Variants in THSD7B observed in about 807,000 individuals in gnomAD.
THSD7B encodes thrombospondin type-1 domain-containing protein 7B.
In THSD7B, 138 loss-of-function variants were observed where a neutral mutation model predicts 213.6. The observed-to-expected ratio is 0.65, with a 90% CI of 0.56 to 0.74. The LOEUF (loss-of-function observed/expected upper bound fraction) is 0.74, where lower values mean the gene tolerates loss of function less well. Ranked by LOEUF, THSD7B falls within the 30% of genes least tolerant of loss-of-function variation. THSD7B has a pLI of 0.00. For missense variants in THSD7B, 1,931 were observed against 1,991.5 expected, an observed-to-expected ratio of 0.97 and a Z score of 0.58; for synonymous variants, 742 against 687.0, an observed-to-expected ratio of 1.08 and a Z score of -1.25.
At chr2:136,851,590 A>G (rs964795824) in intron 1 of THSD7B, among the ~76,000 whole-genome samples, 2 of 152,190 alleles carry the variant, frequency 1.3e-5, no homozygotes, top group Non-Finnish European at 2.9e-5. Context: ...GCTGGAAATT[A>G]GCTGATCTGG....
At chr2:137,438,468 A>G (rs933881439) in intron 14 of THSD7B, among the ~76,000 whole-genome samples, 3 of 152,114 alleles carry the variant, frequency 2.0e-5, no homozygotes, top group Non-Finnish European at 4.4e-5. Flanking sequence ...TGTCAGCTGT[A>G]CTGTCTCTGT....
chr2:136,984,499 C>A (rs1236037165), intron 2 of THSD7B, among the ~76,000 whole-genome samples: 1 of 152,182 alleles, frequency 6.6e-6, no homozygotes, highest in African/African-American at 2.4e-5. Flanking sequence ...CCTTTGCTTC[C>A]ACCATGGTTG....
chr2:137,656,530 A>C (rs1336929268), intron 22 of THSD7B, among the ~76,000 whole-genome samples: 1 of 152,236 alleles, frequency 6.6e-6, no homozygotes, highest in Admixed American at 6.5e-5. Flanking sequence ...TAGCAGATAC[A>C]TAATATTTTC....
intron 5 of THSD7B, among the ~76,000 whole-genome samples, chr2:137,148,005 A>G (rs1245633258): frequency 6.6e-6 from 1 of 151,994 alleles, no homozygotes; most frequent in African/African-American, 2.4e-5. Context: ...GGTGCTTGAT[A>G]TGGTTTAGCT....
intron 7 of THSD7B, among the ~76,000 whole-genome samples, chr2:137,217,364 A>AT (rs1428232366): frequency 2.0e-5 from 3 of 152,214 alleles, no homozygotes; most frequent in Non-Finnish European, 2.9e-5. Context: ...TGTCATTATT[A>AT]TTACCAACAC....
chr2:137,283,766 A>G (rs1489852709), intron 12 of THSD7B, among the ~76,000 whole-genome samples: 1 of 152,210 alleles, frequency 6.6e-6, no homozygotes, highest in East Asian at 1.9e-4. Flanking sequence ...ATCATGGTGG[A>G]TAAGCTTTTT....
intron 2 of THSD7B, among the ~76,000 whole-genome samples, chr2:136,994,169 A>G (rs1292306697): frequency 2.0e-5 from 3 of 152,210 alleles, no homozygotes; most frequent in Non-Finnish European, 4.4e-5. Context: ...GAAATACATA[A>G]TTGACGAGGG....
At chr2:137,292,857 T>C (rs1230950498) in intron 12 of THSD7B, among the ~76,000 whole-genome samples, 1 of 152,160 alleles carries the variant, frequency 6.6e-6, no homozygotes, top group Non-Finnish European at 1.5e-5. Context: ...ATATCATAAC[T>C]TCCTCATTAG....
At chr2:137,547,665 G>T (rs1365787848) in intron 15 of THSD7B, among the ~76,000 whole-genome samples, 1 of 151,980 alleles carries the variant, frequency 6.6e-6, no homozygotes, top group Non-Finnish European at 1.5e-5. Flanking sequence ...TTTGCAGACT[G>T]CAAGTTGTAT....
intron 14 of THSD7B, among the ~76,000 whole-genome samples, chr2:137,425,879 A>C (rs1558793393): frequency 6.6e-6 from 1 of 152,164 alleles, no homozygotes; most frequent in Non-Finnish European, 1.5e-5. Flanking sequence ...TCAAAAACAG[A>C]AAGAAAGAGA....
rs1314454496 is a variant in THSD7B at position 136,890,425 on chromosome 2, T to C, written c.139+8108T>C. On this transcript the variant is annotated intron_variant, in intron 2 of 27. Coordinates refer to ENST00000409968, the MANE Select transcript of THSD7B (RefSeq NM_001316349.2). Reference sequence around the variant, plus strand: ...CCTCTTCCTCTTCTTCTTCTTCTTCTTCTTCTTCTTCTTCTTCTTCTTCTT... The same window carrying C: ...CCTCTTCCTCTTCTTCTTCTTCTTCCTCTTCTTCTTCTTCTTCTTCTTCTT... 5.6e-4 allele frequency among the ~76,000 whole-genome samples: 2 copies of C among 3,570 alleles called. 1 individual carries two copies. Among genetic ancestry groups the C allele is most frequent in the African/African-American group, 1.2e-3 (2 of 1,650 alleles). 2.3% of individuals were successfully genotyped at this position (3,570 alleles called of 152,430 possible).
intron 7 of THSD7B, among the ~76,000 whole-genome samples, chr2:137,210,018 G>C (rs1681065804): frequency 6.6e-6 from 1 of 152,012 alleles, no homozygotes; most frequent in Non-Finnish European, 1.5e-5. Context: ...TGAGGATATA[G>C]CAAAAAAGCT....
At position 137,231,220 on chromosome 2, in the gene THSD7B, G is replaced by A. The variant is rs537632713; in HGVS notation, c.1900G>A (p.Ala634Thr). 3 of 1,609,870 alleles carry A rather than the reference G, an allele frequency of 1.9e-6. No individual in the cohort carries two copies. The highest frequency in any genetic ancestry group is 1.7e-6 in the Non-Finnish European group (2 of 1,177,714). The change falls in exon 8 of 28, where the codon GCA becomes ACA. Residue 634 changes from alanine (A) to threonine (T), a missense_variant. Coordinates refer to ENST00000409968, the MANE Select transcript of THSD7B (RefSeq NM_001316349.2). ...GKQTRSRTILALAGEGGKPCP... is the reference protein window; with the variant it reads ...GKQTRSRTILTLAGEGGKPCP... The stretch of plus-strand genomic sequence containing the variant: ...ACAGACCAGGTCAAGAACTATCCTG[G>A]CACTGGCTGGGGAAGGTGAGTAACA...
intron 6 of THSD7B, among the ~76,000 whole-genome samples, chr2:137,169,557 A>G (rs1366350791): frequency 1.3e-5 from 2 of 152,128 alleles, no homozygotes; most frequent in East Asian, 3.9e-4. Context: ...TCTCTGTGCT[A>G]TCAAACTCTC....
chr2:137,241,468 C>A (rs1233664683), intron 9 of THSD7B, among the ~76,000 whole-genome samples: 1 of 152,186 alleles, frequency 6.6e-6, no homozygotes, highest in Non-Finnish European at 1.5e-5. Context: ...ATTTATATTA[C>A]TTTCTTCCCA....
chr2:137,413,996 C>T (rs955766991), intron 14 of THSD7B, among the ~76,000 whole-genome samples: 7 of 152,178 alleles, frequency 4.6e-5, no homozygotes, highest in East Asian at 1.9e-4. Flanking sequence ...AAATGCAAGT[C>T]GTCTTTTCTA....
At chr2:137,531,531 A>T (rs1222858411) in intron 15 of THSD7B, among the ~76,000 whole-genome samples, 1 of 151,928 alleles carries the variant, frequency 6.6e-6, no homozygotes, top group Non-Finnish European at 1.5e-5. Context: ...CTTCTGCTCT[A>T]GAGTTTTTTA....
At chr2:137,478,319 T>C (rs1046489221) in intron 15 of THSD7B, among the ~76,000 whole-genome samples, 1 of 152,194 alleles carries the variant, frequency 6.6e-6, no homozygotes, top group Non-Finnish European at 1.5e-5. Flanking sequence ...TATCTTAACA[T>C]TCTGAAATTC....
chr2:136,996,789 A>G (rs1685899472), intron 2 of THSD7B, among the ~76,000 whole-genome samples: 1 of 152,214 alleles, frequency 6.6e-6, no homozygotes, highest in Non-Finnish European at 1.5e-5. Flanking sequence ...TACTTCTAGC[A>G]AATGCATAGA....
Sources: allele counts gnomAD v4.1 joint callset (sites outside exome capture counted in the v4.1 genomes callset), GRCh38; gene constraint gnomAD v4.1.1; transcripts MANE v1.5; gene names NCBI Gene and HGNC (gene_info 2026-07-23, HGNC 2026-07-21).